The following VSTM5 variants were observed in gnomAD, a reference collection of about 807,000 sequenced individuals.
The protein encoded by VSTM5 is V-set and transmembrane domain-containing protein 5.
VSTM5 carries 21 observed loss-of-function variants against 20.3 expected under a neutral mutation model. That is an observed-to-expected ratio of 1.03 (90% confidence interval 0.73 to 1.49). The LOEUF is 1.49. Among genes scored for constraint, VSTM5 ranks in the 40% most tolerant of loss-of-function variants. The pLI is 0.00. For missense variants in VSTM5, 219 were observed against 250.0 expected (o/e 0.88, Z 0.84); for synonymous variants, 100 against 102.5 (o/e 0.98, Z 0.14).
At position 93,843,134 on chromosome 11, in the gene VSTM5, C is replaced by T. The variant is rs1000319998; in HGVS notation, c.91+7278G>A. ...CAGGCACATGCGTAACTGGATACCA[C>T]AGGTTCGAGTAAATTCTCCTCCAGA... is the stretch of plus-strand genomic sequence containing the variant. On this transcript the variant is annotated intron_variant, in intron 1 of 3. Transcript: ENST00000409977. Among the ~76,000 whole-genome samples, 54 of 151,992 alleles carry T rather than the reference C, an allele frequency of 3.6e-4. 1 individual carries two copies. Among genetic ancestry groups the T allele is most frequent in the African/African-American group, 1.2e-3 (51 of 41,360 alleles).
rs1489212224 is a variant in VSTM5 at position 93,818,915 on chromosome 11, G to T, written c.*1654C>A. ...TGTGTCTACAGGAGGCGCCTTGAGG[G>T]TATCTTCTACCTGTCAGGTGCTAGA... On this transcript the variant is annotated 3_prime_UTR_variant, in exon 4 of 4. Coordinates refer to ENST00000409977, the MANE Select transcript of VSTM5 (RefSeq NM_001144871.2). 6.6e-6 allele frequency: 1 copy of T among 152,210 alleles called. No homozygotes were observed. The allele number at this position is 152,210 out of a possible 1,614,324, so 9.4% of individuals were successfully genotyped here.
At chr11:93,834,393 A>G (rs1205733847) in intron 1 of VSTM5, among the ~76,000 whole-genome samples, 3 of 151,932 alleles carry the variant, frequency 2.0e-5, no homozygotes, top group African/African-American at 7.3e-5. Flanking sequence ...TGTTTTTCCC[A>G]TCTCTCTGGT....
At chr11:93,827,111 C>G (rs766831348) in intron 1 of VSTM5, among the ~76,000 whole-genome samples, 2 of 152,158 alleles carry the variant, frequency 1.3e-5, no homozygotes, top group Non-Finnish European at 2.9e-5. Flanking sequence ...AGGCCGGACA[C>G]GGTGGCTCAT....
At position 93,821,106 on chromosome 11, in the gene VSTM5, G is replaced by A. The variant is rs1299090736; in HGVS notation, c.309C>T (p.Gly103=). 4 of 1,551,970 alleles carry A rather than the reference G, an allele frequency of 2.6e-6. No homozygotes were observed. The Middle Eastern group carries it at 5.0e-4, about 194-fold the overall frequency. The change falls in exon 2 of 4, where the codon GGC becomes GGT. Residue 103 remains glycine, a synonymous_variant. Transcript: ENST00000409977. ...CTCCCACGCTGAAGAGCTGGATGGA[G>A]CCGTTGTCAAAGGTGCAGACTCTGT... The part of the protein sequence containing the change: ...HKDRVCTFDN[G]SIQLFSVGVR...
At chr11:93,825,605 T>C (rs566360822) in intron 1 of VSTM5, among the ~76,000 whole-genome samples, 1 of 152,346 alleles carries the variant, frequency 6.6e-6, no homozygotes, top group African/African-American at 2.4e-5. Context: ...TATCTTTCCA[T>C]TTATTTGTGT....
chr11:93,847,281 G>A (rs1293735807), intron 1 of VSTM5, among the ~76,000 whole-genome samples: 2 of 152,214 alleles, frequency 1.3e-5, no homozygotes, highest in African/African-American at 4.8e-5. Context: ...GCGTTGGGCA[G>A]CTGCTGAGGA....
At chr11:93,834,962 A>T (rs1171380299) in intron 1 of VSTM5, among the ~76,000 whole-genome samples, 1 of 152,118 alleles carries the variant, frequency 6.6e-6, no homozygotes, top group African/African-American at 2.4e-5. Context: ...TTAGTGGGTT[A>T]TCATGAGAAT....
intron 1 of VSTM5, among the ~76,000 whole-genome samples, 153 bp downstream of exon 1, chr11:93,850,259 C>T (rs1404360623): frequency 6.6e-6 from 1 of 152,116 alleles, no homozygotes; most frequent in Non-Finnish European, 1.5e-5. Context: ...CACGAGGAAG[C>T]GGCGCGGTGC....
At chr11:93,839,189 C>A (rs1944349745) in intron 1 of VSTM5, among the ~76,000 whole-genome samples, 1 of 152,242 alleles carries the variant, frequency 6.6e-6, no homozygotes, top group Non-Finnish European at 1.5e-5. Context: ...CCTCTTAGAC[C>A]CTGTGGTGGC....
chr11:93,831,133 C>T (rs755956474), intron 1 of VSTM5, among the ~76,000 whole-genome samples: 1 of 151,970 alleles, frequency 6.6e-6, no homozygotes, highest in African/African-American at 2.4e-5. Flanking sequence ...AATCATGGCT[C>T]ACAGCAGCCT....
chr11:93,844,005 T>C (rs1213802459), intron 1 of VSTM5, among the ~76,000 whole-genome samples: 2 of 152,164 alleles, frequency 1.3e-5, no homozygotes, highest in African/African-American at 2.4e-5. Context: ...ACAGCACAGC[T>C]CACACCAGCC....
chr11:93,824,941 T>C (rs1464538478), intron 1 of VSTM5, among the ~76,000 whole-genome samples: 1 of 152,228 alleles, frequency 6.6e-6, no homozygotes, highest in East Asian at 1.9e-4. Flanking sequence ...CATTGTGTAT[T>C]CTTGGCACTT....
Position 93,819,874 on chromosome 11 carries a change from G to C in VSTM5, c.*695C>G, listed in dbSNP as rs1342098730. The C allele has an allele frequency of 6.6e-6, 1 of 152,236 alleles. No homozygotes were observed. Among genetic ancestry groups the C allele is most frequent in the Non-Finnish European group, 1.5e-5 (1 of 68,082 alleles). 9.4% of individuals were successfully genotyped at this position (152,236 alleles called of 1,614,324 possible). On this transcript the variant is annotated 3_prime_UTR_variant, in exon 4 of 4. Transcript: ENST00000409977. The stretch of plus-strand genomic sequence containing the variant: ...TTAACGTTGGAATGAGGGAGGAAGA[G>C]AAAGATAATTTTCTCTATTCCTTGT...
chr11:93,835,074 G>C (rs1944313242), intron 1 of VSTM5, among the ~76,000 whole-genome samples: 1 of 152,092 alleles, frequency 6.6e-6, no homozygotes, highest in South Asian at 2.1e-4. Context: ...CAGCAAAAAG[G>C]TCCTCACCAG....
At chr11:93,830,161 G>A (rs942508012) in intron 1 of VSTM5, among the ~76,000 whole-genome samples, 1 of 152,132 alleles carries the variant, frequency 6.6e-6, no homozygotes, top group African/African-American at 2.4e-5. Flanking sequence ...GTGGGGGCAG[G>A]GCAGAGGCAG....
intron 1 of VSTM5, among the ~76,000 whole-genome samples, chr11:93,825,389 CA>C (rs1229465848): frequency 1.3e-5 from 2 of 152,206 alleles, no homozygotes; most frequent in African/African-American, 4.8e-5. Context: ...AAGCTGGTCT[CA>C]AACTCCTGGG....
intron 1 of VSTM5, among the ~76,000 whole-genome samples, chr11:93,834,075 T>C (rs1341279548): frequency 4.6e-5 from 7 of 152,260 alleles, no homozygotes; most frequent in African/African-American, 1.7e-4. Flanking sequence ...CTTTTCATCA[T>C]ATCTACCTGG....
chr11:93,821,144 G>A lies in VSTM5; in HGVS notation c.271C>T (p.Gln91Ter). 6.4e-7 allele frequency: 1 copy of A among 1,552,184 alleles called. No homozygotes were observed. The highest frequency in any genetic ancestry group is 8.7e-7 in the Non-Finnish European group (1 of 1,147,082). The change falls in exon 2 of 4, where the codon CAA becomes TAA. Residue 91 changes from glutamine (Q) to a stop codon, truncating the protein, a stop_gained. Coordinates refer to ENST00000409977, the MANE Select transcript of VSTM5 (RefSeq NM_001144871.2). LOFTEE classifies it high-confidence loss of function. ...WKPGTQANISQSHKDRVCTFD... is the reference protein window; with the variant it reads ...WKPGTQANIS Reference sequence around the variant, plus strand: ...GTGCAGACTCTGTCCTTGTGGCTTTGAGAGATGTTGGCCTGAGTCCCTGGT... The same window carrying A: ...GTGCAGACTCTGTCCTTGTGGCTTTAAGAGATGTTGGCCTGAGTCCCTGGT...
At chr11:93,844,737 C>T (rs563842157) in intron 1 of VSTM5, among the ~76,000 whole-genome samples, 2 of 152,316 alleles carry the variant, frequency 1.3e-5, no homozygotes, top group African/African-American at 4.8e-5. Flanking sequence ...AAGCTCCTCC[C>T]ATTCCAAACC....
Sources: allele counts gnomAD v4.1 joint callset (sites outside exome capture counted in the v4.1 genomes callset), GRCh38; gene constraint gnomAD v4.1.1; transcripts MANE v1.5; gene names NCBI Gene and HGNC (gene_info 2026-07-23, HGNC 2026-07-21).